PKD1L3: variants seen among roughly 807,000 people sequenced by gnomAD.
PKD1L3 encodes the protein polycystin 1 like 3, transient receptor potential channel interacting.
In PKD1L3, 239 loss-of-function variants were observed where a neutral mutation model predicts 184.1. That is an observed-to-expected ratio of 1.30 (90% CI 1.17 to 1.45). The LOEUF (loss-of-function observed/expected upper bound fraction) is 1.45. Among genes scored for constraint, PKD1L3 ranks in the 40% most tolerant of loss-of-function variants. The probability of loss-of-function intolerance (pLI) is 0.00; values close to 1 mark genes in which losing one functional copy is unlikely to be tolerated. For synonymous variants in PKD1L3, 996 were observed against 778.8 expected (o/e 1.28, Z -4.64); for missense variants, 2,660 against 2,067.2 (o/e 1.29, Z -5.56).
At chr16:71,979,289 CA>C (rs1346222283) in intron 9 of PKD1L3, among the ~76,000 whole-genome samples, 1 of 152,104 alleles carries the variant, frequency 6.6e-6, no homozygotes, top group African/African-American at 2.4e-5. Context: ...ACTAAAAATA[CA>C]AAAATTAGCC....
rs2038778727 is a variant in PKD1L3, at chr16:71,950,223, G to T, written c.3278C>A (p.Thr1093Asn). 2 of 1,552,156 alleles carry T rather than the reference G, an allele frequency of 1.3e-6. No individual in the cohort carries two copies. The highest frequency in any genetic ancestry group is 8.7e-7 in the Non-Finnish European group (1 of 1,147,104). The change falls in exon 20 of 30, where the codon ACC (threonine) becomes AAC (asparagine). Residue 1093 changes from threonine to asparagine, a missense_variant. Coordinates refer to ENST00000620267, the MANE Select transcript of PKD1L3 (RefSeq NM_181536.2). ...LKSHLGTLGL[T>N]QGHQSCDFLD... ...GAAGTCACAGGACTGGTGACCCTGG[G>T]TGAGACCCAGCGTGCCTAAGTGAGA... is the stretch of plus-strand genomic sequence containing the variant.
In PKD1L3 at chr16:71,998,390, G is replaced by A. The variant is rs1182928534; in HGVS notation, c.300C>T (p.Asp100=). The part of the protein sequence containing the change: ...KKHQDNKYPA[D]VAANGPPKPL... ...GCTTTGGGGGCCCGTTGGCTGCAAC[G>A]TCTGCTGAGGGGAGATCAGACGCAG... The change falls in exon 2 of 30, where the codon GAC becomes GAT. Residue 100 remains aspartate, a synonymous_variant. Coordinates refer to ENST00000620267, the MANE Select transcript of PKD1L3 (RefSeq NM_181536.2). The A allele has an allele frequency of 6.4e-6, 10 of 1,551,100 alleles. No individual in the cohort carries two copies. Among genetic ancestry groups the A allele is most frequent in the South Asian group, 1.2e-5 (1 of 84,052 alleles).
At chr16:71,935,312 T>C (rs773424427) in intron 26 of PKD1L3, 46 bp downstream of exon 26, 24 of 1,516,736 alleles carry the variant, frequency 1.6e-5, no homozygotes, top group South Asian at 5.0e-5. Context: ...CAGGAAACTT[T>C]AGACATGAGG....
In PKD1L3 at chr16:71,930,200, A is replaced by T; in HGVS notation, c.4927-17T>A. The stretch of plus-strand genomic sequence containing the variant: ...AGCGAAAACCTGGGAAAACAATAAG[A>T]ACACTTGCAGTGACTGACAATTTAG... On this transcript the variant is annotated splice_polypyrimidine_tract_variant and intron_variant, in intron 28 of 29. Coordinates refer to ENST00000620267, the MANE Select transcript of PKD1L3 (RefSeq NM_181536.2). 1 of 1,537,342 alleles carries T rather than the reference A, an allele frequency of 6.5e-7. No individual in the cohort carries two copies. Among genetic ancestry groups the T allele is most frequent in the Non-Finnish European group, 8.8e-7 (1 of 1,141,160 alleles).
intron 15 of PKD1L3, among the ~76,000 whole-genome samples, chr16:71,966,903 G>A (rs559933890): frequency 6.6e-6 from 1 of 152,250 alleles, no homozygotes; most frequent in Non-Finnish European, 1.5e-5. Flanking sequence ...TAATGAAAAT[G>A]AGATTAGAGA....
At chr16:71,982,277 GCTTTTT>G in intron 6 of PKD1L3, 42 bp from the exon 7 acceptor site, 1 of 690,260 alleles carries the variant, frequency 1.4e-6, no homozygotes, top group Non-Finnish European at 1.9e-6. Flanking sequence ...TGAATTGTTT[GCTTTTT>G]TTTTTTTTTT....
At chr16:71,968,917 G>T (rs1487785995) in intron 13 of PKD1L3, among the ~76,000 whole-genome samples, 1 of 144,652 alleles carries the variant, frequency 6.9e-6, no homozygotes, top group African/African-American at 2.6e-5. Flanking sequence ...GTTACAATTT[G>T]ATTTACATAT....
intron 17 of PKD1L3, 102 bp from the exon 18 acceptor site, chr16:71,953,195 G>A (rs1004467800): frequency 1.6e-5 from 15 of 957,890 alleles, no homozygotes; most frequent in East Asian, 1.5e-4. Flanking sequence ...AGTTAACTAC[G>A]TTTATCTAGA....
intron 11 of PKD1L3, among the ~76,000 whole-genome samples, chr16:71,975,554 T>C (rs1228920141): frequency 6.6e-6 from 1 of 152,200 alleles, no homozygotes; most frequent in Non-Finnish European, 1.5e-5. Context: ...ATGTGAAGTA[T>C]ATTTAACTCA....
At chr16:71,963,443 C>T in intron 15 of PKD1L3, 92 bp from the exon 16 acceptor site, 1 of 1,290,374 alleles carries the variant, frequency 7.7e-7, no homozygotes, top group Non-Finnish European at 1.0e-6. Flanking sequence ...GTAAACTGTC[C>T]AAGTAAATGA....
intron 24 of PKD1L3, among the ~76,000 whole-genome samples, chr16:71,941,229 G>A (rs562653392): frequency 6.6e-6 from 1 of 151,046 alleles, no homozygotes; most frequent in African/African-American, 2.5e-5. Flanking sequence ...ACTAGAGACA[G>A]TAAAGGATCA....
At chr16:71,977,808 T>A (rs924561568) in intron 10 of PKD1L3, among the ~76,000 whole-genome samples, 3 of 152,170 alleles carry the variant, frequency 2.0e-5, no homozygotes, top group Non-Finnish European at 4.4e-5. Flanking sequence ...CAAGCATTAC[T>A]CTGTCACCCA....
chr16:71,930,315 A>G, intron 28 of PKD1L3, 132 bp from the exon 29 acceptor site: 1 of 890,796 alleles, frequency 1.1e-6, no homozygotes. Flanking sequence ...GAGAGAGTCA[A>G]AAGATAATAA....
In PKD1L3 at chr16:71,982,059, C is replaced by T. The variant is rs150292834; in HGVS notation, c.1143G>A (p.Pro381=). 6.4e-5 allele frequency: 99 copies of T among 1,541,060 alleles called. No individual in the cohort carries two copies. Among genetic ancestry groups the T allele is most frequent in the Admixed American group, 5.6e-4 (27 of 48,406 alleles). Reference sequence around the variant, plus strand: ...GGCCACCTGCATATCTGGCACCTACCGGCTCAGTATGACGCTTGGATTCCA... The same window carrying T: ...GGCCACCTGCATATCTGGCACCTACTGGCTCAGTATGACGCTTGGATTCCA... ...SWLESKRHTE[P]VEDILEMSLV... The change falls in exon 7 of 30, where the codon CCG becomes CCA. Residue 381 remains proline, a splice_region_variant and synonymous_variant. Transcript: ENST00000620267.
At chr16:71,971,678 A>G (rs1437947435) in intron 12 of PKD1L3, among the ~76,000 whole-genome samples, 19 of 152,342 alleles carry the variant, frequency 1.2e-4, no homozygotes, top group Non-Finnish European at 1.6e-4. Context: ...AGCTTGTTAG[A>G]AAGGCCTGAC....
At chr16:71,959,425 TAAAC>T (rs1006904654) in intron 16 of PKD1L3, among the ~76,000 whole-genome samples, 11 of 151,848 alleles carry the variant, frequency 7.2e-5, no homozygotes, top group Non-Finnish European at 1.0e-4. Context: ...ACCAACCAAC[TAAAC>T]AAACAAACAA....
Position 71,977,578 on chromosome 16 carries a change from T to C in PKD1L3, c.1528-111A>G, listed in dbSNP as rs1241016306. The C allele has an allele frequency of 3.1e-4, 266 of 860,658 alleles. 2 individuals are homozygous for C. Among genetic ancestry groups the C allele is most frequent in the Non-Finnish European group, 4.4e-4 (248 of 570,034 alleles). 53.3% of individuals were successfully genotyped at this position (860,658 alleles called of 1,614,324 possible). On this transcript the variant is annotated intron_variant, in intron 10 of 29. Transcript: ENST00000620267. ...CCTAGCTCTTTTTTTTTTTTTTTTT[T>C]TTGAGATGGGGTCTTGCTATGTTGG...
intron 2 of PKD1L3, among the ~76,000 whole-genome samples, chr16:71,997,435 C>T (rs1430524800): frequency 2.6e-5 from 4 of 151,034 alleles, no homozygotes; most frequent in African/African-American, 9.8e-5. Context: ...AACCACTCCC[C>T]ACTCCACCGT....
In PKD1L3 at chr16:71,949,870, C is replaced by T; in HGVS notation, c.3531G>A (p.Leu1177=). The T allele has an allele frequency of 6.4e-7, 1 of 1,551,544 alleles. No homozygotes were observed. Among genetic ancestry groups the T allele is most frequent in the Non-Finnish European group, 8.7e-7 (1 of 1,146,984 alleles). Residue 1177 remains leucine, a synonymous_variant, in exon 21 of 30, where the codon TTG becomes TTA. Coordinates refer to ENST00000620267, the MANE Select transcript of PKD1L3 (RefSeq NM_181536.2). ...ASAFFTALYS[L]ELSKDQATSW... ...TGGTGGCTTGGTCTTTGCTCAATTC[C>T]AAGCTATAAAGTGCTGTAAAAAAGG...
Sources: gnomAD v4.1 joint callset for allele counts (sites outside exome capture counted in the v4.1 genomes callset) on GRCh38, gnomAD v4.1.1 for gene constraint, MANE v1.5 for transcripts, NCBI Gene and HGNC (gene_info 2026-07-23, HGNC 2026-07-21) for gene names.